NR3C1: variants seen among roughly 807,000 people sequenced by gnomAD.
The protein encoded by NR3C1 is glucocorticoid receptor.
A neutral mutation model predicts 74.0 loss-of-function variants in NR3C1; 14 were observed. That is an observed-to-expected ratio of 0.19 (90% CI 0.12 to 0.30). The LOEUF is 0.30. Ranked by LOEUF, NR3C1 falls within the 10% of genes least tolerant of loss-of-function variation. The pLI is 1.00. For synonymous variants in NR3C1, 308 were observed against 332.5 expected (o/e 0.93, Z 0.80); for missense variants, 695 against 909.8 (o/e 0.76, Z 3.04).
intron 4 of NR3C1, among the ~76,000 whole-genome samples, chr5:143,308,905 A>G (rs983527788): frequency 1.3e-5 from 2 of 152,210 alleles, no homozygotes; most frequent in African/African-American, 4.8e-5. Context: ...TACTAAGCAT[A>G]TGTGTTATGA....
At chr5:143,360,846 C>A (rs1832096256) in intron 2 of NR3C1, among the ~76,000 whole-genome samples, 1 of 152,108 alleles carries the variant, frequency 6.6e-6, no homozygotes, top group Non-Finnish European at 1.5e-5. Flanking sequence ...AAATACACAG[C>A]CAAGTTCTAA....
chr5:143,289,732 T>C (rs777285490), intron 7 of NR3C1, among the ~76,000 whole-genome samples: 3 of 152,086 alleles, frequency 2.0e-5, no homozygotes, highest in Admixed American at 6.6e-5. Context: ...AAATAAGAAA[T>C]ATAGGTGGCC....
chr5:143,335,065 T>C (rs1206811909), intron 2 of NR3C1, among the ~76,000 whole-genome samples: 2 of 152,236 alleles, frequency 1.3e-5, no homozygotes, highest in Non-Finnish European at 2.9e-5. Context: ...TTCTTGACAC[T>C]GCAGGGAGTA....
At chr5:143,423,044 T>A (rs2151960334) in intron 1 of NR3C1, among the ~76,000 whole-genome samples, 1 of 152,318 alleles carries the variant, frequency 6.6e-6, no homozygotes, top group South Asian at 2.1e-4. Flanking sequence ...TTGATTTTTG[T>A]ATATGGCAAG....
chr5:143,300,674 T>C lies in NR3C1; in HGVS notation c.1558A>G (p.Ile520Val), dbSNP rs778742166. Residue 520 changes from isoleucine (I) to valine (V), a missense_variant, in exon 5 of 9, where the codon ATA becomes GTA. This residue lies in a region of NR3C1 where 42 missense variants were observed against 49.3 expected (regional missense o/e 0.85). Coordinates refer to ENST00000394464, the MANE Select transcript of NR3C1 (RefSeq NM_000176.3). The surrounding 1 kb of genome is among the most constrained non-coding windows in gnomAD (Gnocchi z 5.2). The stretch of plus-strand genomic sequence containing the variant: ...AGTTGTGGTAACGTTGCAGGAACTA[T>C]TGTTTTGTTACCAGGATTTTCAGAG... ...ETSENPGNKTIVPATLPQLTP... is the reference protein window; with the variant it reads ...ETSENPGNKTVVPATLPQLTP... 1 of 1,614,124 alleles carries C rather than the reference T, an allele frequency of 6.2e-7. No individual in the cohort carries two copies. The highest frequency in any genetic ancestry group is 1.7e-5 in the Admixed American group (1 of 60,022).
chr5:143,359,513 T>C (rs934957132), intron 2 of NR3C1, among the ~76,000 whole-genome samples: 1 of 152,200 alleles, frequency 6.6e-6, no homozygotes, highest in African/African-American at 2.4e-5. Context: ...AATCCTGAAG[T>C]GTTTGCTTTT....
intron 2 of NR3C1, among the ~76,000 whole-genome samples, chr5:143,376,793 C>G (rs1352464356): frequency 6.6e-6 from 1 of 152,148 alleles, no homozygotes; most frequent in Non-Finnish European, 1.5e-5. Flanking sequence ...TTACTGCATT[C>G]CAGGTGTAGC....
intron 2 of NR3C1, among the ~76,000 whole-genome samples, chr5:143,336,438 T>C (rs1313948616): frequency 6.6e-6 from 1 of 152,172 alleles, no homozygotes; most frequent in African/African-American, 2.4e-5. Flanking sequence ...ACAAGGATTG[T>C]TGGCTTCCTA....
At chr5:143,364,548 T>G (rs994925740) in intron 2 of NR3C1, among the ~76,000 whole-genome samples, 6 of 152,200 alleles carry the variant, frequency 3.9e-5, no homozygotes, top group African/African-American at 1.4e-4. Flanking sequence ...TAAAGACAAC[T>G]ACTAAGCAAT....
intron 2 of NR3C1, among the ~76,000 whole-genome samples, chr5:143,352,776 T>C (rs1179562205): frequency 6.6e-6 from 1 of 152,206 alleles, no homozygotes; most frequent in African/African-American, 2.4e-5. Context: ...GAACTTTCAG[T>C]GAGTTGTAAT....
chr5:143,365,720 A>G (rs755202531), intron 2 of NR3C1, among the ~76,000 whole-genome samples: 15 of 152,364 alleles, frequency 9.8e-5, no homozygotes, highest in South Asian at 2.1e-4. Context: ...TCAAGTGTAC[A>G]TGAAACATCC....
chr5:143,300,429 T>C lies in NR3C1; in HGVS notation c.1747+56A>G. The C allele has an allele frequency of 6.2e-7, 1 of 1,610,826 alleles. No individual in the cohort carries two copies. ...CGATGATATAAAAGCCAAAGTGTTTTTGCTGAAGAAAACACAAAGGTTTAT... is the reference window on the plus strand; with the variant it reads ...CGATGATATAAAAGCCAAAGTGTTTCTGCTGAAGAAAACACAAAGGTTTAT... On this transcript the variant is annotated intron_variant, in intron 5 of 8. Transcript: ENST00000394464. The surrounding 1 kb of genome is among the most constrained non-coding windows in gnomAD (Gnocchi z 5.2).
chr5:143,297,005 A>G (rs1030415296), intron 6 of NR3C1, among the ~76,000 whole-genome samples: 27 of 144,638 alleles, frequency 1.9e-4, no homozygotes, highest in Non-Finnish European at 3.3e-4. Flanking sequence ...TGAACCCTGG[A>G]GGCAGAGGTT....
At chr5:143,304,731 G>C (rs1599796490) in intron 4 of NR3C1, among the ~76,000 whole-genome samples, 1 of 151,778 alleles carries the variant, frequency 6.6e-6, no homozygotes, top group East Asian at 1.9e-4. Context: ...ACAGAATAGA[G>C]TCCAGAAATA....
intron 7 of NR3C1, among the ~76,000 whole-genome samples, chr5:143,288,295 ATTT>A: frequency 6.7e-6 from 1 of 149,444 alleles, no homozygotes; most frequent in Non-Finnish European, 1.5e-5. Context: ...ATTTTTTTGT[ATTT>A]TTAGTAGAGA....
chr5:143,284,035 G>T (rs1252368269), intron 7 of NR3C1, among the ~76,000 whole-genome samples: 1 of 152,130 alleles, frequency 6.6e-6, no homozygotes, highest in Non-Finnish European at 1.5e-5. Context: ...GAAGATGCTG[G>T]TATAGAGGAA....
At chr5:143,340,476 A>ATTTT (rs3074500) in intron 2 of NR3C1, among the ~76,000 whole-genome samples, 196 of 89,128 alleles carry the variant, frequency 2.2e-3, no homozygotes, top group East Asian at 4.1e-3. Flanking sequence ...TTTAAAGATG[A>ATTTT]TTTTTTTTTT....
intron 2 of NR3C1, among the ~76,000 whole-genome samples, chr5:143,392,155 C>A (rs946165627): frequency 6.6e-6 from 1 of 151,996 alleles, no homozygotes; most frequent in Non-Finnish European, 1.5e-5. Context: ...TTAGTAGAGA[C>A]AGGGTTTCAC....
chr5:143,352,355 T>C (rs1364921602), intron 2 of NR3C1, among the ~76,000 whole-genome samples: 7 of 152,196 alleles, frequency 4.6e-5, no homozygotes, highest in Admixed American at 3.3e-4. Context: ...CTGAGATTGG[T>C]ATAATGAGTT....
Sources: gnomAD v4.1 joint callset for allele counts (sites outside exome capture counted in the v4.1 genomes callset) on GRCh38, gnomAD v4.1.1 for gene constraint, gnomAD v4.1.1 regional missense constraint, Gnocchi (gnomAD v3.1) non-coding constraint, MANE v1.5 for transcripts, NCBI Gene and HGNC (gene_info 2026-07-23, HGNC 2026-07-21) for gene names.